The following IL1RAPL1 variants were observed in gnomAD, a reference collection of about 807,000 sequenced individuals.
IL1RAPL1 encodes interleukin 1 receptor accessory protein like 1, also known as interleukin-1 receptor accessory protein-like 1.
IL1RAPL1 carries 3 observed loss-of-function variants against 48.4 expected under a neutral mutation model. That is an observed-to-expected ratio of 0.06 (90% CI 0.03 to 0.16). The LOEUF (loss-of-function observed/expected upper bound fraction) is 0.16, where lower values mean the gene tolerates loss of function less well. Among genes scored for constraint, IL1RAPL1 ranks in the 10% least tolerant of loss-of-function variants. The probability of loss-of-function intolerance (pLI) is 1.00; values close to 1 mark genes in which losing one functional copy is unlikely to be tolerated. For missense variants in IL1RAPL1, 349 were observed against 530.6 expected, an observed-to-expected ratio of 0.66 and a Z score of 3.36; for synonymous variants, 185 against 187.7, an observed-to-expected ratio of 0.99 and a Z score of 0.12.
intron 6 of IL1RAPL1, among the ~76,000 whole-genome samples, chrX:29,874,050 T>G (rs1453644400): frequency 8.9e-6 from 1 of 112,349 alleles, no homozygotes; most frequent in Non-Finnish European, 1.9e-5. Flanking sequence ...TGCGATTCAA[T>G]GTGTTTTCTA....
chrX:29,622,438 T>C (rs181144633), intron 5 of IL1RAPL1, among the ~76,000 whole-genome samples: 137 of 112,363 alleles, frequency 1.2e-3, no homozygotes, highest in African/African-American at 4.2e-3. Flanking sequence ...ATCTGCTGTG[T>C]GCAATATATT....
chrX:29,915,756 A>ATTTT (rs369807619), intron 6 of IL1RAPL1, among the ~76,000 whole-genome samples: 197 of 45,692 alleles, frequency 4.3e-3, no homozygotes, highest in African/African-American at 0.013. Context: ...TATTTTTATT[A>ATTTT]TTTTTATTAT....
chrX:29,273,569 C>T (rs1334470405), intron 2 of IL1RAPL1, among the ~76,000 whole-genome samples: 1 of 111,947 alleles, frequency 8.9e-6, no homozygotes, highest in Non-Finnish European at 1.9e-5. Context: ...CCAGCCAAAG[C>T]GCTTTGTCCA....
Position 29,266,743 on chromosome X carries a change from A to G in IL1RAPL1, c.83-16195A>G, listed in dbSNP as rs757360332. On this transcript the variant is annotated intron_variant, in intron 2 of 10. Coordinates refer to ENST00000378993, the MANE Select transcript of IL1RAPL1 (RefSeq NM_014271.4). ...CTACTTTTTCTAAGCTTCTCTCTGC[A>G]TATATCTTCACTCTTATCTCCCTAA... 3.6e-5 allele frequency among the ~76,000 whole-genome samples: 4 copies of G among 111,366 alleles called. No homozygotes were observed. In the South Asian group the frequency reaches 1.1e-3, roughly 32 times the overall value.
intron 9 of IL1RAPL1, among the ~76,000 whole-genome samples, chrX:29,944,965 G>T (rs1445176128): frequency 3.7e-5 from 4 of 109,464 alleles, no homozygotes; most frequent in African/African-American, 1.3e-4. Context: ...AAAAAAAAAA[G>T]TAATCATCTT....
intron 9 of IL1RAPL1, among the ~76,000 whole-genome samples, chrX:29,951,275 C>G (rs1210235444): frequency 8.9e-6 from 1 of 112,121 alleles, no homozygotes; most frequent in Non-Finnish European, 1.9e-5. Flanking sequence ...AGCTAAGGAT[C>G]TCATAGTCTA....
intron 2 of IL1RAPL1, among the ~76,000 whole-genome samples, chrX:28,958,181 C>T (rs1326807607): frequency 9.1e-6 from 1 of 110,261 alleles, no homozygotes; most frequent in Non-Finnish European, 1.9e-5. Context: ...TTGATATTAA[C>T]TGTAGTCATG....
chrX:28,688,195 C>G (rs1271220945), intron 1 of IL1RAPL1, among the ~76,000 whole-genome samples: 2 of 52,920 alleles, frequency 3.8e-5, no homozygotes, highest in East Asian at 1.8e-3. Flanking sequence ...TATAATATAT[C>G]ACATTTTTTT....
rs1364683055 is a variant in IL1RAPL1, at chrX:29,449,621, G to T, written c.703+50313G>T. On this transcript the variant is annotated intron_variant, in intron 5 of 10. Transcript: ENST00000378993. ...CTTTGAAATCTATATTGGGCACGCT[G>T]AGTAAAGTGCATCTTTTTTCTTCCA... is the stretch of plus-strand genomic sequence containing the variant. 9.1e-5 allele frequency among the ~76,000 whole-genome samples: 10 copies of T among 109,738 alleles called. No homozygotes were observed. In the South Asian group the frequency reaches 3.9e-3, roughly 43 times the overall value.
intron 6 of IL1RAPL1, among the ~76,000 whole-genome samples, chrX:29,789,558 A>T (rs1050848570): frequency 8.0e-5 from 9 of 111,870 alleles, no homozygotes; most frequent in South Asian, 3.6e-4. Flanking sequence ...GTTCTGGGTG[A>T]TCAGTAACTT....
chrX:29,500,360 C>T (rs1424146588), intron 5 of IL1RAPL1, among the ~76,000 whole-genome samples: 1 of 112,084 alleles, frequency 8.9e-6, no homozygotes, highest in African/African-American at 3.2e-5. Flanking sequence ...TTATCAAACA[C>T]TAAGTCTTAT....
At chrX:29,661,096 T>C (rs1342357118) in intron 5 of IL1RAPL1, among the ~76,000 whole-genome samples, 1 of 112,027 alleles carries the variant, frequency 8.9e-6, no homozygotes, top group Non-Finnish European at 1.9e-5. Flanking sequence ...TTTGTGCTAT[T>C]GTAAAGGGGA....
chrX:29,814,666 A>T (rs1409257526), intron 6 of IL1RAPL1, among the ~76,000 whole-genome samples: 1 of 111,855 alleles, frequency 8.9e-6, no homozygotes, highest in Non-Finnish European at 1.9e-5. Context: ...GCCAACGTTG[A>T]AAAGGGTTAT....
At chrX:28,730,576 G>A (rs1385037035) in intron 1 of IL1RAPL1, among the ~76,000 whole-genome samples, 3 of 111,539 alleles carry the variant, frequency 2.7e-5, no homozygotes, top group Admixed American at 9.6e-5. Flanking sequence ...CAGTTTTCTT[G>A]ATAATGATTT....
At chrX:29,604,445 A>G (rs1329492336) in intron 5 of IL1RAPL1, among the ~76,000 whole-genome samples, 3 of 111,282 alleles carry the variant, frequency 2.7e-5, no homozygotes, top group African/African-American at 9.8e-5. Context: ...TATTTTATTT[A>G]TTTATTTTTT....
At position 29,114,649 on chromosome X, in the gene IL1RAPL1, C is replaced by T. The variant is rs184626268; in HGVS notation, c.83-168289C>T. On this transcript the variant is annotated intron_variant, in intron 2 of 10. Coordinates refer to ENST00000378993, the MANE Select transcript of IL1RAPL1 (RefSeq NM_014271.4). ...TGTTGGTTTGTTTGTTTTTTTGAGA[C>T]GGAGTTTCACTCTTGTTGGCCAGGC... is the stretch of plus-strand genomic sequence containing the variant. 5.4e-5 allele frequency among the ~76,000 whole-genome samples: 6 copies of T among 110,309 alleles called. No homozygotes were observed. In the East Asian group the frequency reaches 1.4e-3, roughly 26 times the overall value.
chrX:28,831,247 G>A (rs1921048111), intron 2 of IL1RAPL1, among the ~76,000 whole-genome samples: 1 of 96,738 alleles, frequency 1.0e-5, no homozygotes, highest in South Asian at 5.4e-4. Context: ...ATATTTCAGA[G>A]CTTTGCAAGG....
rs528556157 is a variant in IL1RAPL1 at position 28,987,635 on chromosome X, G to A, written c.82+198210G>A. ...TAGAATATTACTGTTATCAAGATACGCCACACCTATCCTCATTGGCGACCT... is the reference window on the plus strand; with the variant it reads ...TAGAATATTACTGTTATCAAGATACACCACACCTATCCTCATTGGCGACCT... On this transcript the variant is annotated intron_variant, in intron 2 of 10. Coordinates refer to ENST00000378993, the MANE Select transcript of IL1RAPL1 (RefSeq NM_014271.4). 1.3e-4 allele frequency among the ~76,000 whole-genome samples: 14 copies of A among 111,501 alleles called. No homozygotes were observed. The South Asian group carries it at 2.6e-3, about 21-fold the overall frequency.
At chrX:29,835,963 T>C (rs1930991438) in intron 6 of IL1RAPL1, among the ~76,000 whole-genome samples, 1 of 106,498 alleles carries the variant, frequency 9.4e-6, no homozygotes, top group African/African-American at 3.4e-5. Context: ...CAGTCTTCAT[T>C]TCATGGATCT....
Sources: gnomAD v4.1 joint callset for allele counts (sites outside exome capture counted in the v4.1 genomes callset) on GRCh38, gnomAD v4.1.1 for gene constraint, MANE v1.5 for transcripts, NCBI Gene and HGNC (gene_info 2026-07-23, HGNC 2026-07-21) for gene names.